BICC1: variants seen among roughly 807,000 people sequenced by gnomAD.
BICC1 encodes the protein BicC family RNA binding protein 1.
Under a neutral mutation model 111.0 loss-of-function variants are expected in BICC1, and 43 were observed. The observed-to-expected ratio is 0.39, with a 90% CI of 0.30 to 0.50. BICC1 has a LOEUF of 0.50. Among genes scored for constraint, BICC1 ranks in the 20% least tolerant of loss-of-function variants. The probability of loss-of-function intolerance (pLI) is 0.88; values close to 1 mark genes in which losing one functional copy is unlikely to be tolerated. For missense variants in BICC1, 1,091 were observed against 1,203.2 expected (o/e 0.91, Z 1.38); for synonymous variants, 467 against 434.4 (o/e 1.07, Z -0.93).
At chr10:58,698,007 C>G (rs1011402301) in intron 2 of BICC1, among the ~76,000 whole-genome samples, 3 of 151,892 alleles carry the variant, frequency 2.0e-5, no homozygotes, top group African/African-American at 7.3e-5. Context: ...TGTGCCATAT[C>G]AAAGCTGTAA....
At chr10:58,699,659 A>G (rs1178805936) in intron 2 of BICC1, among the ~76,000 whole-genome samples, 1 of 152,084 alleles carries the variant, frequency 6.6e-6, no homozygotes, top group Non-Finnish European at 1.5e-5. Context: ...CTCCCCACCA[A>G]TAGCAACATT....
At chr10:58,714,973 G>A (rs1292640915) in intron 3 of BICC1, among the ~76,000 whole-genome samples, 4 of 151,904 alleles carry the variant, frequency 2.6e-5, no homozygotes, top group Non-Finnish European at 5.9e-5. Context: ...TACTCAGGAG[G>A]CTGAGGCAGG....
At chr10:58,718,011 T>C (rs1840803365) in intron 3 of BICC1, among the ~76,000 whole-genome samples, 1 of 152,214 alleles carries the variant, frequency 6.6e-6, no homozygotes, top group African/African-American at 2.4e-5. Flanking sequence ...AAGTTGAGCA[T>C]TGTTTAATCT....
chr10:58,775,917 A>G (rs999846), intron 3 of BICC1, among the ~76,000 whole-genome samples: 117,944 of 152,150 alleles, frequency 0.78, 46,325 homozygotes, highest in East Asian at 1. Context: ...CACAGAGTCA[A>G]TTGAACCTAT....
At chr10:58,633,661 T>C (rs1174489498) in intron 2 of BICC1, among the ~76,000 whole-genome samples, 1 of 152,194 alleles carries the variant, frequency 6.6e-6, no homozygotes, top group Non-Finnish European at 1.5e-5. Context: ...TTAAAAAAAA[T>C]GTATTTTCCA....
intron 3 of BICC1, among the ~76,000 whole-genome samples, chr10:58,743,288 T>TA (rs1841726876): frequency 6.6e-6 from 1 of 152,078 alleles, no homozygotes; most frequent in Non-Finnish European, 1.5e-5. Flanking sequence ...CTTAAGAAAA[T>TA]ACTATCTCCA....
intron 17 of BICC1, among the ~76,000 whole-genome samples, chr10:58,812,989 T>C (rs571779419): frequency 6.6e-6 from 1 of 152,226 alleles, no homozygotes; most frequent in South Asian, 2.1e-4. Flanking sequence ...GGTGGAAAAC[T>C]TGGGGCCTGG....
intron 3 of BICC1, among the ~76,000 whole-genome samples, chr10:58,719,914 A>G (rs1840887025): frequency 6.6e-6 from 1 of 152,236 alleles, no homozygotes; most frequent in South Asian, 2.1e-4. Context: ...CCTCTTGCAG[A>G]ATATAAATAA....
intron 2 of BICC1, among the ~76,000 whole-genome samples, chr10:58,647,595 C>T (rs1051221912): frequency 2.0e-5 from 3 of 152,010 alleles, no homozygotes; most frequent in Admixed American, 6.6e-5. Flanking sequence ...TCCTAAAAAC[C>T]ATCATCTTCA....
At chr10:58,526,064 C>T (rs1027356692) in intron 1 of BICC1, among the ~76,000 whole-genome samples, 1 of 151,754 alleles carries the variant, frequency 6.6e-6, no homozygotes, top group African/African-American at 2.4e-5. Context: ...ATGGTAGTTG[C>T]AAAAGCAGCA....
At chr10:58,646,373 T>C (rs1475822786) in intron 2 of BICC1, among the ~76,000 whole-genome samples, 2 of 152,200 alleles carry the variant, frequency 1.3e-5, no homozygotes, top group African/African-American at 2.4e-5. Flanking sequence ...CTTGTAGTGG[T>C]AGTAAATGAC....
At chr10:58,726,965 G>A (rs1231009995) in intron 3 of BICC1, among the ~76,000 whole-genome samples, 1 of 152,156 alleles carries the variant, frequency 6.6e-6, no homozygotes, top group East Asian at 1.9e-4. Context: ...AGGAGGAGGA[G>A]GGGTATATAG....
At chr10:58,753,629 C>T (rs917801117) in intron 3 of BICC1, among the ~76,000 whole-genome samples, 6 of 152,030 alleles carry the variant, frequency 3.9e-5, no homozygotes, top group Admixed American at 2.0e-4. Context: ...TTCTCTGCAT[C>T]GGCCACACCT....
intron 1 of BICC1, among the ~76,000 whole-genome samples, chr10:58,571,487 C>T (rs1181336435): frequency 6.7e-6 from 1 of 150,148 alleles, no homozygotes; most frequent in Admixed American, 6.7e-5. Context: ...TTTCTCCCTC[C>T]TCCCACCCCC....
At chr10:58,802,030 C>T (rs1379327500) in intron 14 of BICC1, among the ~76,000 whole-genome samples, 1 of 152,196 alleles carries the variant, frequency 6.6e-6, no homozygotes, top group East Asian at 1.9e-4. Context: ...CTCCCTGCCT[C>T]CAGTCTTTTA....
intron 17 of BICC1, among the ~76,000 whole-genome samples, chr10:58,807,375 TAAAG>T (rs1267335992): frequency 1.3e-5 from 2 of 152,150 alleles, no homozygotes; most frequent in Admixed American, 1.3e-4. Context: ...GGTCAGCTCT[TAAAG>T]AGATGTAAAT....
rs566408991 is a variant in BICC1, at chr10:58,788,258, C to T, written c.547-112C>T. ...TTTTTAACAAGCTTCTGGATAATAC[C>T]TCTGTATTTGTCCCTGGATGACACT... On this transcript the variant is annotated intron_variant, in intron 5 of 20. Transcript: ENST00000373886. 6.8e-4 allele frequency: 500 copies of T among 730,718 alleles called. 2 individuals carry two copies. The highest frequency in any genetic ancestry group is 9.1e-4 in the Non-Finnish European group (389 of 428,982). 45.3% of individuals were successfully genotyped at this position (730,718 alleles called of 1,614,324 possible). A position where few individuals can be genotyped will look rare whatever the true frequency, so the allele number is the denominator to read the frequency against.
chr10:58,808,562 G>T (rs1362472661), intron 17 of BICC1, among the ~76,000 whole-genome samples: 5 of 152,092 alleles, frequency 3.3e-5, no homozygotes, highest in Non-Finnish European at 7.4e-5. Flanking sequence ...CAAGTTCAGG[G>T]TTCTGATAAC....
At chr10:58,535,068 A>T (rs1842790900) in intron 1 of BICC1, among the ~76,000 whole-genome samples, 1 of 151,832 alleles carries the variant, frequency 6.6e-6, no homozygotes. Context: ...TAGAAGAAAC[A>T]AAGTCTCCAA....
Sources: allele counts gnomAD v4.1 joint callset (sites outside exome capture counted in the v4.1 genomes callset), GRCh38; gene constraint gnomAD v4.1.1; transcripts MANE v1.5; gene names NCBI Gene and HGNC (gene_info 2026-07-23, HGNC 2026-07-21).